BACH2: variants seen among roughly 807,000 people sequenced by gnomAD.
BACH2 encodes the protein BACH transcriptional regulator 2, also known as transcription regulator protein BACH2.
A neutral mutation model predicts 61.8 loss-of-function variants in BACH2; 5 were observed. That is an observed-to-expected ratio of 0.08 (90% CI 0.04 to 0.17). BACH2 has a LOEUF of 0.17. BACH2 is among the 10% of genes least tolerant of loss of function. The pLI, the probability that BACH2 is intolerant of heterozygous loss-of-function variation, is 1.00. For synonymous variants in BACH2, 446 were observed against 440.1 expected (o/e 1.01, Z -0.17); for missense variants, 824 against 1,091.1 (o/e 0.76, Z 3.45).
At chr6:90,006,575 G>A (rs1326701547) in intron 6 of BACH2, among the ~76,000 whole-genome samples, 1 of 152,146 alleles carries the variant, frequency 6.6e-6, no homozygotes, top group Non-Finnish European at 1.5e-5. Flanking sequence ...TATGTAACAA[G>A]GATACGAATG....
rs1378231253 is a variant in BACH2, at chr6:89,928,583, T to G, written c.*3825A>C. On this transcript the variant is annotated 3_prime_UTR_variant, in exon 9 of 9. Transcript: ENST00000257749. Reference sequence around the variant, plus strand: ...ACTTTAGCCAGTCCTCTCATGAGTCTTGTCGCTGGTCCTGGCTCCTTTTGA... The same window carrying G: ...ACTTTAGCCAGTCCTCTCATGAGTCGTGTCGCTGGTCCTGGCTCCTTTTGA... 1 of 152,792 alleles carries G rather than the reference T, an allele frequency of 6.5e-6. No individual in the cohort carries two copies. The highest frequency in any genetic ancestry group is 1.5e-5 in the Non-Finnish European group (1 of 68,050). The allele number at this position is 152,792 out of a possible 1,614,324, so 9.5% of individuals were successfully genotyped here.
At chr6:90,035,163 A>C (rs2127789264) in intron 5 of BACH2, among the ~76,000 whole-genome samples, 2 of 152,212 alleles carry the variant, frequency 1.3e-5, no homozygotes, top group Middle Eastern at 3.4e-3. Flanking sequence ...AAAAAATACA[A>C]AGTTTATCTA....
chr6:90,266,421 C>A (rs903082512), intron 2 of BACH2, among the ~76,000 whole-genome samples: 32 of 152,124 alleles, frequency 2.1e-4, no homozygotes, highest in Non-Finnish European at 2.2e-4. Flanking sequence ...TTCTTCTTCC[C>A]TCATGCCTCT....
chr6:90,212,259 T>A (rs1368836638), intron 3 of BACH2, among the ~76,000 whole-genome samples: 1 of 152,156 alleles, frequency 6.6e-6, no homozygotes, highest in Non-Finnish European at 1.5e-5. Context: ...GGGGGCATGG[T>A]GCTGGGATTG....
At chr6:90,188,683 C>T (rs1187393722) in intron 4 of BACH2, among the ~76,000 whole-genome samples, 1 of 148,528 alleles carries the variant, frequency 6.7e-6, no homozygotes, top group East Asian at 2.0e-4. Context: ...ACTTTTTCTG[C>T]TCCTACTGAA....
chr6:90,081,844 T>C (rs1244329739), intron 5 of BACH2, among the ~76,000 whole-genome samples: 1 of 152,192 alleles, frequency 6.6e-6, no homozygotes, highest in Non-Finnish European at 1.5e-5. Context: ...ACCTTGGTTT[T>C]CTTTCAGTGC....
At chr6:89,996,879 C>G (rs770885014) in intron 6 of BACH2, among the ~76,000 whole-genome samples, 1 of 152,110 alleles carries the variant, frequency 6.6e-6, no homozygotes, top group South Asian at 2.1e-4. Context: ...TCTTGCTTTA[C>G]ATTTCTAAGT....
At chr6:90,261,231 A>G (rs1334235957) in intron 2 of BACH2, among the ~76,000 whole-genome samples, 1 of 152,154 alleles carries the variant, frequency 6.6e-6, no homozygotes, top group Non-Finnish European at 1.5e-5. Context: ...GCCCAAAGCT[A>G]ATCTTGCCAT....
chr6:90,118,433 T>C lies in BACH2; in HGVS notation c.-161-29324A>G, dbSNP rs146682397. On this transcript the variant is annotated intron_variant, in intron 4 of 8. Coordinates refer to ENST00000257749, the MANE Select transcript of BACH2 (RefSeq NM_021813.4). ...AAAACAGCTCTCTGGAAGCCCACTT[T>C]ATTGCATCTAAGTACATTGCTAGTC... Among the ~76,000 whole-genome samples the C allele has an allele frequency of 2.9e-4, 44 of 152,344 alleles. 2 individuals carry two copies. Among genetic ancestry groups the C allele is most frequent in the African/African-American group, 1.1e-3 (44 of 41,586 alleles).
At chr6:90,129,573 A>C (rs770893917) in intron 4 of BACH2, among the ~76,000 whole-genome samples, 4 of 152,056 alleles carry the variant, frequency 2.6e-5, no homozygotes, top group Non-Finnish European at 5.9e-5. Context: ...CCATTTTCAC[A>C]ATACTGATTC....
At chr6:90,061,600 A>T (rs1052377743) in intron 5 of BACH2, among the ~76,000 whole-genome samples, 1 of 152,146 alleles carries the variant, frequency 6.6e-6, no homozygotes, top group Non-Finnish European at 1.5e-5. Context: ...AGCAGAGGAG[A>T]TAACAAGTGA....
At chr6:90,074,911 A>T (rs1781403317) in intron 5 of BACH2, among the ~76,000 whole-genome samples, 1 of 152,164 alleles carries the variant, frequency 6.6e-6, no homozygotes, top group African/African-American at 2.4e-5. Context: ...TAGAATACAG[A>T]CAGACATGGG....
intron 4 of BACH2, among the ~76,000 whole-genome samples, chr6:90,149,193 G>C (rs1397352483): frequency 6.6e-6 from 1 of 152,148 alleles, no homozygotes; most frequent in African/African-American, 2.4e-5. Context: ...AAATAAGAAC[G>C]TAAGAAAATT....
intron 2 of BACH2, among the ~76,000 whole-genome samples, chr6:90,261,677 T>G (rs1283858246): frequency 2.0e-5 from 3 of 152,146 alleles, no homozygotes; most frequent in African/African-American, 7.2e-5. Flanking sequence ...TCTTTTTATT[T>G]GCTTCCTCCT....
rs201582324 is a variant in BACH2, at chr6:89,957,190, C to G, written c.244-5328G>C. On this transcript the variant is annotated intron_variant, in intron 6 of 8. Coordinates refer to ENST00000257749, the MANE Select transcript of BACH2 (RefSeq NM_021813.4). ...CTGGTGACAATTAACTCTCCCTTCC[C>G]ACTCTCTTACTGCACTGCAACCCAC... 5.3e-5 allele frequency among the ~76,000 whole-genome samples: 8 copies of G among 152,306 alleles called. No individual in the cohort carries two copies. The East Asian group carries it at 1.5e-3, about 29-fold the overall frequency.
chr6:90,052,597 T>G (rs886524601), intron 5 of BACH2, among the ~76,000 whole-genome samples: 2 of 152,146 alleles, frequency 1.3e-5, no homozygotes, highest in African/African-American at 4.8e-5. Context: ...TTTTTCATAT[T>G]TTTAGTAGAG....
intron 4 of BACH2, among the ~76,000 whole-genome samples, chr6:90,122,251 A>G (rs1359490206): frequency 1.3e-5 from 2 of 152,230 alleles, no homozygotes; most frequent in Non-Finnish European, 2.9e-5. Flanking sequence ...ACATCGGCAA[A>G]GTATTTTTGA....
intron 5 of BACH2, among the ~76,000 whole-genome samples, chr6:90,029,530 A>C (rs1778837709): frequency 6.6e-6 from 1 of 152,168 alleles, no homozygotes; most frequent in African/African-American, 2.4e-5. Context: ...ACGTTTTCAC[A>C]TCTCACACAC....
intron 5 of BACH2, among the ~76,000 whole-genome samples, chr6:90,011,128 C>T (rs919554375): frequency 6.6e-6 from 1 of 151,008 alleles, no homozygotes; most frequent in African/African-American, 2.5e-5. Flanking sequence ...AAAAACTAAA[C>T]CAAGGTCATA....
Sources: allele counts gnomAD v4.1 joint callset (sites outside exome capture counted in the v4.1 genomes callset), GRCh38; gene constraint gnomAD v4.1.1; transcripts MANE v1.5; gene names NCBI Gene and HGNC (gene_info 2026-07-23, HGNC 2026-07-21).